ATP7A: variants seen among roughly 807,000 people sequenced by gnomAD.
ATP7A encodes the protein copper-transporting ATPase 1.
In ATP7A, 7 loss-of-function variants were observed where a neutral mutation model predicts 83.5. The ratio of observed to expected loss-of-function variants is 0.08; its 90% CI spans 0.05 to 0.16. The LOEUF is 0.16. Ranked by LOEUF, ATP7A falls within the 10% of genes least tolerant of loss-of-function variation. ATP7A has a pLI of 1.00. For missense variants in ATP7A, 940 were observed against 1,120.8 expected (o/e 0.84, Z 2.30); for synonymous variants, 354 against 395.2 (o/e 0.90, Z 1.24).
At chrX:78,011,744 T>C (rs781865815) in intron 9 of ATP7A, 70 bp downstream of exon 9, 15 of 994,373 alleles carry the variant, frequency 1.5e-5, no homozygotes, top group Non-Finnish European at 2.1e-5. Context: ...GCAAGGTTTA[T>C]TTTCAGCTAC....
At chrX:77,943,376 C>T (rs2077361898) in intron 1 of ATP7A, among the ~76,000 whole-genome samples, 1 of 111,391 alleles carries the variant, frequency 9.0e-6, no homozygotes, top group Middle Eastern at 4.7e-3. Context: ...TTGCAGTTTC[C>T]TCTTTGTTAT....
chrX:78,034,380 A>G (rs1416381660), intron 17 of ATP7A, among the ~76,000 whole-genome samples: 1 of 111,279 alleles, frequency 9.0e-6, no homozygotes, highest in Non-Finnish European at 1.9e-5. Flanking sequence ...CATTTCTTCC[A>G]TCAAAATCAC....
rs143275639 is a variant in ATP7A at position 78,033,217 on chromosome X, A to G, written c.3295-388A>G. On this transcript the variant is annotated intron_variant, in intron 16 of 22. Transcript: ENST00000341514. ...TCTCCTGAGTTCAAGTGATTCTCCT[A>G]CCTCAGCCTCCCTAGTAGCTGAGAT... 6.9e-3 allele frequency among the ~76,000 whole-genome samples: 768 copies of G among 111,647 alleles called. 8 individuals carry two copies. The highest frequency in any genetic ancestry group is 0.024 in the African/African-American group (735 of 30,753).
intron 3 of ATP7A, 144 bp downstream of exon 3, chrX:77,988,875 A>T: frequency 1.2e-6 from 1 of 834,345 alleles, no homozygotes; most frequent in Non-Finnish European, 1.7e-6. Context: ...TATTCCCAGG[A>T]TTAAAAGTTA....
chrX:77,951,824 G>A (rs917360436), intron 1 of ATP7A, among the ~76,000 whole-genome samples: 2 of 111,715 alleles, frequency 1.8e-5, no homozygotes, highest in Non-Finnish European at 3.8e-5. Context: ...CAGGTGATCC[G>A]CCTGCCTTGG....
intron 21 of ATP7A, among the ~76,000 whole-genome samples, chrX:78,044,698 G>A (rs782794801): frequency 3.6e-5 from 4 of 111,576 alleles, no homozygotes; most frequent in Non-Finnish European, 7.5e-5. Context: ...CAATATAACT[G>A]AGAAAAAAGA....
At chrX:77,999,272 C>T (rs1303359441) in intron 5 of ATP7A, among the ~76,000 whole-genome samples, 2 of 111,360 alleles carry the variant, frequency 1.8e-5, no homozygotes, top group East Asian at 2.8e-4. Flanking sequence ...GCCAGGATTA[C>T]AGGCGTGAGC....
At chrX:78,000,821 T>G (rs894480623) in intron 5 of ATP7A, among the ~76,000 whole-genome samples, 3 of 109,316 alleles carry the variant, frequency 2.7e-5, no homozygotes, top group Non-Finnish European at 5.7e-5. Context: ...TATGCCACCA[T>G]GCCTGGCTAA....
intron 1 of ATP7A, among the ~76,000 whole-genome samples, chrX:77,931,214 T>A (rs1000731912): frequency 9.3e-6 from 1 of 108,058 alleles, no homozygotes; most frequent in Non-Finnish European, 1.9e-5. Context: ...TGGTGATGAT[T>A]GTTAACGAGC....
At chrX:78,000,188 A>G (rs2077730878) in intron 5 of ATP7A, among the ~76,000 whole-genome samples, 1 of 111,287 alleles carries the variant, frequency 9.0e-6, no homozygotes, top group African/African-American at 3.3e-5. Context: ...CCTTGTCTGC[A>G]TTCTATGATT....
chrX:78,000,267 T>C (rs1193791119), intron 5 of ATP7A, among the ~76,000 whole-genome samples: 1 of 111,513 alleles, frequency 9.0e-6, no homozygotes, highest in Non-Finnish European at 1.9e-5. Context: ...TATTATTCTT[T>C]TTTTAGATTA....
intron 6 of ATP7A, among the ~76,000 whole-genome samples, chrX:78,007,747 G>A (rs2077786952): frequency 8.9e-6 from 1 of 111,912 alleles, no homozygotes; most frequent in Admixed American, 9.5e-5. Context: ...CTCCCATTCT[G>A]GTATTGCCTC....
At chrX:77,967,501 C>CTG (rs2077515781) in intron 1 of ATP7A, among the ~76,000 whole-genome samples, 1 of 111,988 alleles carries the variant, frequency 8.9e-6, no homozygotes, top group Admixed American at 9.5e-5. Flanking sequence ...CTCTGATGAT[C>CTG]TGTGATGTTG....
rs1557229293 is a variant in ATP7A at position 77,969,375 on chromosome X, A to T, written c.-21-2246A>T. 11 of 1,210,205 alleles carry T rather than the reference A, an allele frequency of 9.1e-6. No individual in the cohort carries two copies. The Middle Eastern group carries it at 2.6e-3, about 282-fold the overall frequency. On this transcript the variant is annotated intron_variant, in intron 1 of 22. Transcript: ENST00000341514. ...CGGTTAGACCCCCATAGTGCCGCTC[A>T]TTGAGGCGCCAAGTCCTCACCACTG...
intron 1 of ATP7A, among the ~76,000 whole-genome samples, chrX:77,936,553 C>A (rs1247874401): frequency 1.8e-5 from 2 of 111,929 alleles, no homozygotes; most frequent in Admixed American, 1.9e-4. Flanking sequence ...AAACTCTATA[C>A]CCATTAAACA....
chrX:77,983,238 A>G (rs17303393), intron 2 of ATP7A, among the ~76,000 whole-genome samples: 7,234 of 112,070 alleles, frequency 0.065, 226 homozygotes, highest in Non-Finnish European at 0.09. Flanking sequence ...TGACAACCTA[A>G]GAAGTGGTAG....
intron 1 of ATP7A, chrX:77,965,490 G>A (rs913494047): frequency 4.6e-5 from 14 of 301,512 alleles, no homozygotes. Context: ...CTGCTAGGAT[G>A]GGTAGAATAA....
intron 4 of ATP7A, among the ~76,000 whole-genome samples, chrX:77,992,026 A>G (rs782541234): frequency 9.1e-6 from 1 of 110,015 alleles, no homozygotes; most frequent in Non-Finnish European, 1.9e-5. Flanking sequence ...TGTCTTTAAA[A>G]AAATAGATTT....
At chrX:77,914,644 T>C (rs1557222326) in intron 1 of ATP7A, among the ~76,000 whole-genome samples, 2 of 110,726 alleles carry the variant, frequency 1.8e-5, no homozygotes, top group African/African-American at 6.6e-5. Context: ...CCTCAAGTGA[T>C]CCACCCTCCT....
Sources: allele counts gnomAD v4.1 joint callset (sites outside exome capture counted in the v4.1 genomes callset), GRCh38; gene constraint gnomAD v4.1.1; transcripts MANE v1.5; gene names NCBI Gene and HGNC (gene_info 2026-07-23, HGNC 2026-07-21).